RNF141: variants seen among roughly 807,000 people sequenced by gnomAD.
RNF141 encodes C3HC4-like zinc finger protein.
Under a neutral mutation model 27.4 loss-of-function variants are expected in RNF141, and 18 were observed. That is an observed-to-expected ratio of 0.66 (90% confidence interval 0.45 to 0.97). RNF141 has a LOEUF of 0.97. Ranked by LOEUF, RNF141 falls within the 50% of genes least tolerant of loss-of-function variation. The probability of loss-of-function intolerance (pLI) is 0.00; values close to 1 mark genes in which losing one functional copy is unlikely to be tolerated. For missense variants in RNF141, 230 were observed against 279.4 expected, an observed-to-expected ratio of 0.82 and a Z score of 1.26; for synonymous variants, 97 against 96.6, an observed-to-expected ratio of 1.00 and a Z score of -0.02.
chr11:10,530,303 T>C (rs997058445), intron 3 of RNF141, among the ~76,000 whole-genome samples: 3 of 152,186 alleles, frequency 2.0e-5, no homozygotes, highest in Non-Finnish European at 4.4e-5. Flanking sequence ...CAAGATAACA[T>C]TAATTTTTAA....
At chr11:10,519,198 T>C in intron 4 of RNF141, 57 bp from the exon 5 acceptor site, 2 of 1,471,996 alleles carry the variant, frequency 1.4e-6, no homozygotes, top group Non-Finnish European at 1.9e-6. Flanking sequence ...TGCTTTATAC[T>C]TTTTGTTGCT....
At chr11:10,534,399 A>G (rs961923441) in intron 1 of RNF141, among the ~76,000 whole-genome samples, 194 bp from the exon 2 acceptor site, 4 of 152,116 alleles carry the variant, frequency 2.6e-5, no homozygotes, top group East Asian at 1.9e-4. Flanking sequence ...ATTCACTTAT[A>G]TATTATTGGG....
In RNF141 at chr11:10,534,199, A is replaced by G. The variant is rs751201683; in HGVS notation, c.-41T>C. 3.7e-6 allele frequency: 6 copies of G among 1,600,270 alleles called. No individual in the cohort carries two copies. The Admixed American group carries it at 8.7e-5, about 23-fold the overall frequency. ...TTCAAAATCCAGAGTGTTGCTTCAC[A>G]TAGTTTCTGTCAAATATACAGAAAA... On this transcript the variant is annotated 5_prime_UTR_variant, in exon 2 of 6. An upstream start codon of the reference 5' UTR is lost. Transcript: ENST00000265981.
chr11:10,524,899 AG>A (rs1849918417), intron 4 of RNF141, among the ~76,000 whole-genome samples: 1 of 152,238 alleles, frequency 6.6e-6, no homozygotes, highest in African/African-American at 2.4e-5. Context: ...ACCTATTATA[AG>A]GAAGGTGTTA....
At chr11:10,533,556 CATGT>C (rs1053112136) in intron 2 of RNF141, among the ~76,000 whole-genome samples, 5 of 146,642 alleles carry the variant, frequency 3.4e-5, no homozygotes, top group African/African-American at 1.3e-4. Context: ...TATATATATG[CATGT>C]GTGTGTCTAT....
Position 10,525,404 on chromosome 11 carries a change from G to A in RNF141, c.253-31C>T. The A allele has an allele frequency of 3.3e-6, 5 of 1,522,068 alleles. No homozygotes were observed. In the South Asian group the frequency reaches 6.4e-5, roughly 20 times the overall value. 94.3% of individuals were successfully genotyped at this position (1,522,068 alleles called of 1,614,324 possible). A position where few individuals can be genotyped will look rare whatever the true frequency, so the allele number is the denominator to read the frequency against. On this transcript the variant is annotated intron_variant, in intron 3 of 5. Transcript: ENST00000265981. ...AATACAAAGAACATGAAAAAGAAAA[G>A]TTGATCATTTCTCTGACCAATTTTT...
At position 10,534,070 on chromosome 11, in the gene RNF141, C is replaced by T. The variant is rs777994280; in HGVS notation, c.89G>A (p.Ser30Asn). 6.8e-6 allele frequency: 11 copies of T among 1,613,670 alleles called. No homozygotes were observed. The highest frequency in any genetic ancestry group is 1.3e-5 in the African/African-American group (1 of 75,016). Reference protein sequence around the residue: ...VAKHVTLVRESGSLTYEEFLG... With the variant: ...VAKHVTLVRENGSLTYEEFLG... ...AAATTCTTCATAAGTTAAGGAGCCA[C>T]TCTCTCGAACCAACGTAACATGTTT... is the stretch of plus-strand genomic sequence containing the variant. The change falls in exon 2 of 6, where the codon AGT (serine) becomes AAT (asparagine). Residue 30 changes from serine to asparagine, a missense_variant. Transcript: ENST00000265981.
intron 1 of RNF141, among the ~76,000 whole-genome samples, chr11:10,534,465 C>T (rs1468799675): frequency 1.6e-5 from 2 of 123,406 alleles, no homozygotes; most frequent in Non-Finnish European, 3.4e-5. Context: ...CACTAAAGCA[C>T]ATGTGCATGT....
At chr11:10,518,690 T>G (rs1314383154) in intron 5 of RNF141, 1 of 173,772 alleles carries the variant, frequency 5.8e-6, no homozygotes, top group East Asian at 1.6e-4. Flanking sequence ...GGTCCAGTAT[T>G]CAAGAATTTA....
chr11:10,522,157 G>A (rs549828048), intron 4 of RNF141, among the ~76,000 whole-genome samples: 97 of 152,336 alleles, frequency 6.4e-4, no homozygotes, highest in African/African-American at 2.2e-3. Flanking sequence ...AAAGAGGGAA[G>A]TCACTGAATT....
intron 4 of RNF141, among the ~76,000 whole-genome samples, chr11:10,519,511 G>A (rs1014421077): frequency 1.3e-5 from 2 of 152,146 alleles, no homozygotes; most frequent in African/African-American, 4.8e-5. Context: ...CAGAGATACG[G>A]TCTGAGAAAC....
At position 10,514,706 on chromosome 11, in the gene RNF141, A is replaced by G; in HGVS notation, c.*210T>C. On this transcript the variant is annotated 3_prime_UTR_variant, in exon 6 of 6. Transcript: ENST00000265981. ...TTGAACAGATAAATAATAGGAAAAT[A>G]TGGTCTAAAACAGTAGCAAATTTTA... is the stretch of plus-strand genomic sequence containing the variant. 4.5e-6 allele frequency: 2 copies of G among 442,512 alleles called. No homozygotes were observed. The highest frequency in any genetic ancestry group is 7.9e-6 in the Non-Finnish European group (2 of 254,584). The allele number at this position is 442,512 out of a possible 1,614,324, so 27.4% of individuals were successfully genotyped here.
chr11:10,533,396 A>C (rs1850006218), intron 2 of RNF141, among the ~76,000 whole-genome samples: 1 of 152,142 alleles, frequency 6.6e-6, no homozygotes, highest in Admixed American at 6.5e-5. Flanking sequence ...CATTTTAGAA[A>C]TTTAGTCAAA....
intron 1 of RNF141, among the ~76,000 whole-genome samples, chr11:10,535,599 T>C (rs529672381): frequency 1.3e-5 from 2 of 152,266 alleles, no homozygotes; most frequent in East Asian, 3.9e-4. Flanking sequence ...ACAACAGTGA[T>C]TGCTGAATTT....
intron 3 of RNF141, among the ~76,000 whole-genome samples, chr11:10,526,555 G>A (rs971498398): frequency 6.6e-5 from 10 of 152,178 alleles, no homozygotes; most frequent in Middle Eastern, 6.8e-3. Context: ...AGGCCGAGGT[G>A]GGCAGATCAT....
At position 10,529,214 on chromosome 11, in the gene RNF141, T is replaced by C. The variant is rs189096865; in HGVS notation, c.252+1429A>G. Among the ~76,000 whole-genome samples, 287 of 152,304 alleles carry C rather than the reference T, an allele frequency of 1.9e-3. 1 individual carries two copies. Among genetic ancestry groups the C allele is most frequent in the African/African-American group, 6.6e-3 (274 of 41,556 alleles). On this transcript the variant is annotated intron_variant, in intron 3 of 5. Coordinates refer to ENST00000265981, the MANE Select transcript of RNF141 (RefSeq NM_016422.4). ...ATGCTAATCATATTCCCTCTGTCAG[T>C]GTAGGTGTATGAAGGGGATATGACC...
At chr11:10,535,254 AC>A (rs1850023699) in intron 1 of RNF141, among the ~76,000 whole-genome samples, 1 of 151,918 alleles carries the variant, frequency 6.6e-6, no homozygotes, top group Admixed American at 6.5e-5. Flanking sequence ...GAAGTTAGTA[AC>A]CCCAAAATAT....
At chr11:10,533,234 G>C (rs1469512731) in intron 2 of RNF141, among the ~76,000 whole-genome samples, 2 of 152,120 alleles carry the variant, frequency 1.3e-5, no homozygotes, top group Admixed American at 1.3e-4. Context: ...TATTTTAAAA[G>C]CACAGTGGTC....
intron 1 of RNF141, among the ~76,000 whole-genome samples, chr11:10,538,486 A>G (rs1277805604): frequency 1.3e-5 from 2 of 152,194 alleles, no homozygotes; most frequent in East Asian, 3.8e-4. Context: ...GTCAACCACC[A>G]CAGCTTTTCA....
Sources: gnomAD v4.1 joint callset for allele counts (sites outside exome capture counted in the v4.1 genomes callset) on GRCh38, gnomAD v4.1.1 for gene constraint, MANE v1.5 for transcripts, NCBI Gene and HGNC (gene_info 2026-07-23, HGNC 2026-07-21) for gene names.